The following CIAO3 variants were observed in gnomAD, a reference collection of about 807,000 sequenced individuals.
CIAO3 encodes cytosolic iron-sulfur assembly component 3.
Under a neutral mutation model 51.5 loss-of-function variants are expected in CIAO3, and 45 were observed. That is an observed-to-expected ratio of 0.87 (90% CI 0.69 to 1.12). The LOEUF is 1.12. CIAO3 is among the 50% of genes most tolerant of loss of function. The pLI is 0.00. For missense variants in CIAO3, 668 were observed against 632.5 expected, an observed-to-expected ratio of 1.06 and a Z score of -0.60; for synonymous variants, 314 against 269.3, an observed-to-expected ratio of 1.17 and a Z score of -1.63.
chr16:735,055 T>A, intron 4 of CIAO3, 184 bp from the exon 5 acceptor site: 1 of 800,774 alleles, frequency 1.2e-6, no homozygotes, highest in Non-Finnish European at 1.8e-6. Context: ...AGCCCCACTG[T>A]GGGGACCTCC....
In CIAO3 at chr16:737,285, G is replaced by A. The variant is rs1173002945; in HGVS notation, c.207C>T (p.Asn69=). The A allele has an allele frequency of 4.3e-6, 7 of 1,613,426 alleles. No homozygotes were observed. The highest frequency in any genetic ancestry group is 4.5e-5 in the East Asian group (2 of 44,882). Reference sequence around the variant, plus strand: ...TGCAGCCGCTGCACGCCAGGCAGTCGTTTAGCGAGACCTTGGCCTTCTCCA... The same window carrying A: ...TGCAGCCGCTGCACGCCAGGCAGTCATTTAGCGAGACCTTGGCCTTCTCCA... ...RRLEKAKVSL[N]DCLACSGCIT... is the part of the protein sequence containing the mutation. Residue 69 remains asparagine, a synonymous_variant, in exon 3 of 11, where the codon AAC becomes AAT. Transcript: ENST00000251588. This position sits in a 1 kb window ranked among gnomAD's most constrained non-coding sequence, Gnocchi z 5.3.
At position 737,925 on chromosome 16, in the gene CIAO3, A is replaced by G. The variant is rs142531429; in HGVS notation, c.163-596T>C. Reference sequence around the variant, plus strand: ...AACGCACCCAGCTCGAGCTCCCCCAACTTCTCCTGCAAAGGCAGGAATGGT... The same window carrying G: ...AACGCACCCAGCTCGAGCTCCCCCAGCTTCTCCTGCAAAGGCAGGAATGGT... On this transcript the variant is annotated intron_variant, in intron 2 of 10. Coordinates refer to ENST00000251588, the MANE Select transcript of CIAO3 (RefSeq NM_022493.3). The surrounding 1 kb of genome is among the most constrained non-coding windows in gnomAD (Gnocchi z 5.3). The G allele has an allele frequency of 4.1e-4, 479 of 1,181,818 alleles. 10 individuals carry two copies. In the Middle Eastern group the frequency reaches 5.8e-3, roughly 14 times the overall value. The allele number at this position is 1,181,818 out of a possible 1,614,324, so 73.2% of individuals were successfully genotyped here.
At chr16:740,008 C>A in intron 1 of CIAO3, 3 of 1,462,358 alleles carry the variant, frequency 2.1e-6, no homozygotes, top group Non-Finnish European at 2.7e-6. Context: ...TGCGGAGACA[C>A]CACCAACACT....
chr16:737,411 A>G lies in CIAO3; in HGVS notation c.163-82T>C, dbSNP rs908450594. 2 of 1,595,158 alleles carry G rather than the reference A, an allele frequency of 1.3e-6. No individual in the cohort carries two copies. Among genetic ancestry groups the G allele is most frequent in the East Asian group, 2.2e-5 (1 of 44,506 alleles). On this transcript the variant is annotated intron_variant, in intron 2 of 10. Coordinates refer to ENST00000251588, the MANE Select transcript of CIAO3 (RefSeq NM_022493.3). This position sits in a 1 kb window ranked among gnomAD's most constrained non-coding sequence, Gnocchi z 5.3. ...CAGAGGATAGTGGAGTCCAGCTCATAACCGACAACCAACATGGCTGCTGGC... is the reference window on the plus strand; with the variant it reads ...CAGAGGATAGTGGAGTCCAGCTCATGACCGACAACCAACATGGCTGCTGGC...
At position 737,740 on chromosome 16, in the gene CIAO3, C is replaced by G. The variant is rs376371070; in HGVS notation, c.163-411G>C. 2.3e-4 allele frequency: 298 copies of G among 1,277,356 alleles called. No homozygotes were observed. In the African/African-American group the frequency reaches 4.1e-3, roughly 18 times the overall value. The allele number at this position is 1,277,356 out of a possible 1,614,324, so 79.1% of individuals were successfully genotyped here. On this transcript the variant is annotated intron_variant, in intron 2 of 10. Transcript: ENST00000251588. The surrounding 1 kb of genome is among the most constrained non-coding windows in gnomAD (Gnocchi z 5.3). ...AAGCTGAGGACAAAGGAGGAAAGGACGAAGGCACAGGAAGAGGAGAGCAGA... is the reference window on the plus strand; with the variant it reads ...AAGCTGAGGACAAAGGAGGAAAGGAGGAAGGCACAGGAAGAGGAGAGCAGA...
chr16:739,147 A>T (rs2041367479), intron 2 of CIAO3, among the ~76,000 whole-genome samples: 1 of 151,456 alleles, frequency 6.6e-6, no homozygotes, highest in East Asian at 2.0e-4. Flanking sequence ...AATACAAAAA[A>T]CATTAGCTGG....
At chr16:740,622 C>G in intron 1 of CIAO3, 1 of 491,284 alleles carries the variant, frequency 2.0e-6, no homozygotes. Flanking sequence ...CTGGGTTGGG[C>G]AGGCCGGCGC....
At chr16:733,793 G>A in intron 6 of CIAO3, 2 of 378,244 alleles carry the variant, frequency 5.3e-6, no homozygotes, top group South Asian at 4.6e-5. Context: ...AGTCAGGCAA[G>A]AGGTGCCGCA....
In CIAO3 at chr16:737,491, C is replaced by T. The variant is rs948835135; in HGVS notation, c.163-162G>A. ...ATTAGGTATGTATTACAAAAATGCA[C>T]ACGCACGCTCTACAGTTTCATAATG... is the stretch of plus-strand genomic sequence containing the variant. On this transcript the variant is annotated intron_variant, in intron 2 of 10. Transcript: ENST00000251588. This position sits in a 1 kb window ranked among gnomAD's most constrained non-coding sequence, Gnocchi z 5.3. 9 of 1,518,990 alleles carry T rather than the reference C, an allele frequency of 5.9e-6. No homozygotes were observed. Among genetic ancestry groups the T allele is most frequent in the Non-Finnish European group, 7.9e-6 (9 of 1,136,454 alleles). The allele number at this position is 1,518,990 out of a possible 1,614,324, so 94.1% of individuals were successfully genotyped here.
At position 736,336 on chromosome 16, in the gene CIAO3, C is replaced by T. The variant is rs528275941; in HGVS notation, c.369G>A (p.Ser123=). 1.9e-5 allele frequency: 31 copies of T among 1,613,072 alleles called. No homozygotes were observed. The highest frequency in any genetic ancestry group is 1.2e-4 in the African/African-American group (9 of 75,022). The change falls in exon 4 of 11, where the codon TCG becomes TCA. Residue 123 remains serine (S), a synonymous_variant. Transcript: ENST00000251588. ...GATTCAGCTGAAACCGTGCAGCCAG[C>T]GATGCTCTAGACTGTGGTGAGACCG... is the stretch of plus-strand genomic sequence containing the variant. ...VVSVSPQSRA[S]LAARFQLNPT...
At chr16:738,181 C>T (rs2041357787) in intron 2 of CIAO3, 3 of 997,754 alleles carry the variant, frequency 3.0e-6, no homozygotes, top group Non-Finnish European at 1.2e-6. Flanking sequence ...ACTGCCACTG[C>T]ACCGACAGCC....
At chr16:738,402 G>A (rs2041359991) in intron 2 of CIAO3, 26 of 844,032 alleles carry the variant, frequency 3.1e-5, no homozygotes, top group Non-Finnish European at 3.7e-5. Flanking sequence ...AGGCTAGAGT[G>A]CAGTGGTGCG....
At chr16:736,578 G>A (rs995582293) in intron 3 of CIAO3, among the ~76,000 whole-genome samples, 180 bp from the exon 4 acceptor site, 3 of 151,660 alleles carry the variant, frequency 2.0e-5, no homozygotes, top group African/African-American at 7.3e-5. Flanking sequence ...GCAGTGGTGC[G>A]ATCGGAGCTC....
At position 731,688 on chromosome 16, in the gene CIAO3, G is replaced by C. The variant is rs546702301; in HGVS notation, c.911C>G (p.Ser304Cys). 2.4e-5 allele frequency: 38 copies of C among 1,557,210 alleles called. No homozygotes were observed. The South Asian group carries it at 4.4e-4, about 18-fold the overall frequency. ...CCGATGGCTGGTGGGCTCCTCTGCA[G>C]AGGCACCGCTGCACCTGGCAAGGAG... ...APLDSLCSGA[S>C]AEEPTSHRGG... Residue 304 changes from serine (S) to cysteine (C), a missense_variant, in exon 9 of 11, where the codon TCT becomes TGT. Coordinates refer to ENST00000251588, the MANE Select transcript of CIAO3 (RefSeq NM_022493.3).
At chr16:731,872 C>CTT in intron 8 of CIAO3, 170 bp from the exon 9 acceptor site, 1 of 886,878 alleles carries the variant, frequency 1.1e-6, no homozygotes, top group African/African-American at 1.8e-5. Flanking sequence ...CCAGCCACTT[C>CTT]TTGTTTTTTT....
rs149182704 is a variant in CIAO3 at position 730,884 on chromosome 16, C to G, written c.1151G>C (p.Arg384Pro). ...GACCTCCACGTAGTGGTAGGGGCAG[C>G]GCCCTCGTTTGAGCCTCTGCACCAG... ...QNLVQRLKRG[R>P]CPYHYVEVMA... is the part of the protein sequence containing the mutation. Residue 384 changes from arginine (R) to proline (P), a missense_variant, in exon 10 of 11, where the codon CGC (arginine) becomes CCC (proline). Arg to Pro is a moderately radical substitution (Grantham distance 103). Transcript: ENST00000251588. The G allele has an allele frequency of 6.2e-7, 1 of 1,612,856 alleles. No homozygotes were observed. The highest frequency in any genetic ancestry group is 8.5e-7 in the Non-Finnish European group (1 of 1,180,006).
rs1317985171 is a variant in CIAO3, at chr16:731,727, C to T, written c.897-25G>A. 5 of 1,531,008 alleles carry T rather than the reference C, an allele frequency of 3.3e-6. No homozygotes were observed. In the Admixed American group the frequency reaches 9.8e-5, roughly 30 times the overall value. The allele number at this position is 1,531,008 out of a possible 1,614,324, so 94.8% of individuals were successfully genotyped here. A position where few individuals can be genotyped will look rare whatever the true frequency, so the allele number is the denominator to read the frequency against. ...CCTGGCAAGGAGGGAGGGGCCTCAGCACAGCTGGGGCTGCTGCCTGCCAAC... is the reference window on the plus strand; with the variant it reads ...CCTGGCAAGGAGGGAGGGGCCTCAGTACAGCTGGGGCTGCTGCCTGCCAAC... On this transcript the variant is annotated intron_variant, in intron 8 of 10. Transcript: ENST00000251588.
chr16:739,356 C>T, intron 2 of CIAO3: 1 of 451,864 alleles, frequency 2.2e-6, no homozygotes, highest in Non-Finnish European at 4.0e-6. Flanking sequence ...GAAAATCTTA[C>T]ATGGTTAGAA....
chr16:731,070 C>T lies in CIAO3; in HGVS notation c.1035-70G>A, dbSNP rs2041274183. 3 of 1,584,696 alleles carry T rather than the reference C, an allele frequency of 1.9e-6. No homozygotes were observed. In the African/African-American group the frequency reaches 4.0e-5, roughly 21 times the overall value. ...GCTCCTGCCTGCCTGGAAGGGGAGG[C>T]CTGCTGGGCTTCAGGGGATGACCGG... On this transcript the variant is annotated intron_variant, in intron 9 of 10. Coordinates refer to ENST00000251588, the MANE Select transcript of CIAO3 (RefSeq NM_022493.3).
Sources: gnomAD v4.1 joint callset for allele counts (sites outside exome capture counted in the v4.1 genomes callset) on GRCh38, gnomAD v4.1.1 for gene constraint, Gnocchi (gnomAD v3.1) non-coding constraint, MANE v1.5 for transcripts, NCBI Gene and HGNC (gene_info 2026-07-23, HGNC 2026-07-21) for gene names.